PRPF8: variants seen among roughly 807,000 people sequenced by gnomAD.
PRPF8 encodes pre-mRNA processing factor 8.
Under a neutral mutation model 285.9 loss-of-function variants are expected in PRPF8, and 64 were observed. That is an observed-to-expected ratio of 0.22 (90% CI 0.18 to 0.28). PRPF8 has a LOEUF of 0.28. Ranked by LOEUF, PRPF8 falls within the 10% of genes least tolerant of loss-of-function variation. PRPF8 has a pLI of 1.00. For synonymous variants in PRPF8, 1,325 were observed against 1,118.2 expected (o/e 1.18, Z -3.69); for missense variants, 1,426 against 3,026.7 (o/e 0.47, Z 12.41).
Position 1,673,296 on chromosome 17 carries a change from G to A in PRPF8, c.3657+61C>T, listed in dbSNP as rs1204325614. 2.7e-5 allele frequency: 44 copies of A among 1,606,568 alleles called. No homozygotes were observed. The Admixed American group carries it at 4.5e-4, about 16-fold the overall frequency. ...AAGTCTTTCCACCCAACAAGACTCC[G>A]GTGACTGACCCAGGAAGTGCAGGCG... On this transcript the variant is annotated intron_variant, in intron 23 of 42. Transcript: ENST00000304992. This position sits in a 1 kb window ranked among gnomAD's most constrained non-coding sequence, Gnocchi z 5.5.
Position 1,651,810 on chromosome 17 carries a change from ACC to A in PRPF8, c.6370-24_6370-23del. 1 of 1,613,502 alleles carries A rather than the reference ACC, an allele frequency of 6.2e-7. No individual in the cohort carries two copies. Among genetic ancestry groups the A allele is most frequent in the South Asian group, 1.1e-5 (1 of 91,076 alleles). ...CAATCTGGAGACAAAGGGGTCAGGA[ACC>A]AAAACTCTTCTTAGTACCAGGTCAG... On this transcript the variant is annotated intron_variant, in intron 39 of 42. Transcript: ENST00000304992. This position sits in a 1 kb window ranked among gnomAD's most constrained non-coding sequence, Gnocchi z 5.1.
Position 1,661,040 on chromosome 17 carries a change from G to A in PRPF8, c.4461C>T (p.His1487=), listed in dbSNP as rs185616460. Residue 1487 remains histidine, a synonymous_variant, in exon 28 of 43, where the codon CAC becomes CAT. Transcript: ENST00000304992. This position sits in a 1 kb window ranked among gnomAD's most constrained non-coding sequence, Gnocchi z 7.3. ...ALGGVEGILE[H]TLFKGTYFPT... ...GGAAGTAAGTGCCCTTAAAGAGTGT[G>A]TGTTCCAGAATGCCTTCCACACCGC... is the stretch of plus-strand genomic sequence containing the variant. 33 of 1,614,186 alleles carry A rather than the reference G, an allele frequency of 2.0e-5. No individual in the cohort carries two copies. In the Admixed American group the frequency reaches 3.5e-4, roughly 17 times the overall value.
intron 24 of PRPF8, among the ~76,000 whole-genome samples, chr17:1,669,547 G>A (rs1452149445): frequency 6.6e-6 from 1 of 152,134 alleles, no homozygotes; most frequent in Non-Finnish European, 1.5e-5. Context: ...CTCTTCAACT[G>A]ACAAACAGAT....
chr17:1,676,254 G>A lies in PRPF8; in HGVS notation c.2505C>T (p.Asp835=). ...IPFPPLSYKH[D]TKLLILALER... Reference sequence around the variant, plus strand: ...CCAATGCCAAGATGAGCAACTTGGTGTCATGCTTATAGGAGAGTGGGGGGA... The same window carrying A: ...CCAATGCCAAGATGAGCAACTTGGTATCATGCTTATAGGAGAGTGGGGGGA... The change falls in exon 17 of 43, where the codon GAC becomes GAT. Residue 835 remains aspartate (D), a synonymous_variant. Coordinates refer to ENST00000304992, the MANE Select transcript of PRPF8 (RefSeq NM_006445.4). The surrounding 1 kb of genome is among the most constrained non-coding windows in gnomAD (Gnocchi z 6.3). The A allele has an allele frequency of 6.2e-7, 1 of 1,614,020 alleles. No homozygotes were observed. The highest frequency in any genetic ancestry group is 8.5e-7 in the Non-Finnish European group (1 of 1,180,032).
chr17:1,664,331 G>C (rs546843997), intron 24 of PRPF8, among the ~76,000 whole-genome samples: 1 of 152,242 alleles, frequency 6.6e-6, no homozygotes, highest in African/African-American at 2.4e-5. Flanking sequence ...ATACTCCTCA[G>C]TAATCGATAG....
Position 1,651,629 on chromosome 17 carries a change from C to A in PRPF8, c.6510+19G>T. 1 of 1,614,150 alleles carries A rather than the reference C, an allele frequency of 6.2e-7. No individual in the cohort carries two copies. Among genetic ancestry groups the A allele is most frequent in the Non-Finnish European group, 8.5e-7 (1 of 1,180,032 alleles). On this transcript the variant is annotated intron_variant, in intron 40 of 42. Transcript: ENST00000304992. This position sits in a 1 kb window ranked among gnomAD's most constrained non-coding sequence, Gnocchi z 5.1. ...GCACCAGCTTTTCCACACTCCCAGG[C>A]TCCATCACTCCCCATTACCTTGAGG...
chr17:1,670,545 G>A (rs1434739340), intron 24 of PRPF8, among the ~76,000 whole-genome samples: 1 of 152,166 alleles, frequency 6.6e-6, no homozygotes, highest in Non-Finnish European at 1.5e-5. Context: ...GGAGTGCACT[G>A]GTGGGATCTC....
Position 1,673,628 on chromosome 17 carries a change from A to G in PRPF8, c.3447-61T>C. 6.2e-7 allele frequency: 1 copy of G among 1,611,852 alleles called. No homozygotes were observed. Among genetic ancestry groups the G allele is most frequent in the Non-Finnish European group, 8.5e-7 (1 of 1,179,172 alleles). On this transcript the variant is annotated intron_variant, in intron 22 of 42. Transcript: ENST00000304992. This position sits in a 1 kb window ranked among gnomAD's most constrained non-coding sequence, Gnocchi z 5.5. ...TGGAAGGAACTTCCCTTCAAAGGCC[A>G]ACTGATGACATCCTGACACAGCCAC...
chr17:1,661,757 G>A lies in PRPF8; in HGVS notation c.4056C>T (p.His1352=), dbSNP rs1339362589. ...WSKQTDVGIT[H]FRSGMSHEED... ...CTTCATGGCTCATTCCTGAACGAAA[G>A]TGTGTGATACCTACATCTGTCTGTT... The change falls in exon 26 of 43, where the codon CAC becomes CAT. Residue 1352 remains histidine, a synonymous_variant. Transcript: ENST00000304992. The surrounding 1 kb of genome is among the most constrained non-coding windows in gnomAD (Gnocchi z 7.3). 6 of 1,614,118 alleles carry A rather than the reference G, an allele frequency of 3.7e-6. No homozygotes were observed. The highest frequency in any genetic ancestry group is 2.7e-5 in the African/African-American group (2 of 74,934).
In PRPF8 at chr17:1,655,427, A is replaced by G. The variant is rs1911314939; in HGVS notation, c.5910T>C (p.Thr1970=). 6.2e-7 allele frequency: 1 copy of G among 1,613,880 alleles called. No homozygotes were observed. Among genetic ancestry groups the G allele is most frequent in the Non-Finnish European group, 8.5e-7 (1 of 1,180,026 alleles). ...TITEPHHIWP[T]LTDEEWIKVE... is the part of the protein sequence containing the mutation. ...CCTTGATCCATTCTTCGTCAGTCAG[A>G]GTGGGCCAGATGTGGTGTGGTTCTG... is the stretch of plus-strand genomic sequence containing the variant. Residue 1970 remains threonine, a synonymous_variant, in exon 37 of 43, where the codon ACT becomes ACC. Coordinates refer to ENST00000304992, the MANE Select transcript of PRPF8 (RefSeq NM_006445.4).
intron 34 of PRPF8, 129 bp from the exon 35 acceptor site, chr17:1,656,890 T>C (rs1245323874): frequency 1.1e-5 from 10 of 885,556 alleles, no homozygotes; most frequent in Non-Finnish European, 1.6e-5. Context: ...TGTTAGGCAC[T>C]TAGAAGGTAC....
chr17:1,651,428 A>G lies in PRPF8; in HGVS notation c.6636T>C (p.Ile2212=). The change falls in exon 41 of 43, where the codon ATT becomes ATC. Residue 2212 remains isoleucine, a synonymous_variant. Coordinates refer to ENST00000304992, the MANE Select transcript of PRPF8 (RefSeq NM_006445.4). This position sits in a 1 kb window ranked among gnomAD's most constrained non-coding sequence, Gnocchi z 5.1. The stretch of plus-strand genomic sequence containing the variant: ...CCCAGGCCCACCTGCATGTGATGAT[A>G]ATGGTCTTCTCGCCATCCCAAGATG... ...DNPSWDGEKT[I]IITCSFTPGS... is the part of the protein sequence containing the mutation. 5 of 1,614,164 alleles carry G rather than the reference A, an allele frequency of 3.1e-6. No homozygotes were observed. Among genetic ancestry groups the G allele is most frequent in the Non-Finnish European group, 4.2e-6 (5 of 1,180,004 alleles).
Position 1,679,029 on chromosome 17 carries a change from C to T in PRPF8, c.1587G>A (p.Thr529=), listed in dbSNP as rs375769366. The change falls in exon 11 of 43, where the codon ACG becomes ACA. Residue 529 remains threonine (T), a synonymous_variant. Coordinates refer to ENST00000304992, the MANE Select transcript of PRPF8 (RefSeq NM_006445.4). The surrounding 1 kb of genome is among the most constrained non-coding windows in gnomAD (Gnocchi z 4.7). ...CCAATGCAGGCACCTTGGTGGTGAG[C>T]GTTTTCACAGGCTTGAGGTTGAAGT... is the stretch of plus-strand genomic sequence containing the variant. ...DYNFNLKPVK[T]LTTKERKKSR... 4.5e-5 allele frequency: 73 copies of T among 1,613,914 alleles called. No individual in the cohort carries two copies. Among genetic ancestry groups the T allele is most frequent in the Non-Finnish European group, 5.6e-5 (66 of 1,180,028 alleles).
chr17:1,660,717 G>A lies in PRPF8; in HGVS notation c.4619C>T (p.Pro1540Leu), dbSNP rs1362834307. The change falls in exon 29 of 43, where the codon CCG (proline) becomes CTG (leucine). Residue 1540 changes from proline (P) to leucine (L), a missense_variant. Pro to Leu is a moderately conservative substitution (Grantham distance 98, BLOSUM62 -3). Around this residue, in one of 34 missense-constraint regions of PRPF8, gnomAD observed 15 missense variants for 63.7 expected, o/e 0.24. Transcript: ENST00000304992. Reference protein sequence around the residue: ...PNRRFTLWWSPTINRANVYVG... With the variant: ...PNRRFTLWWSLTINRANVYVG... ...ACTCACATTGGCTCGATTAATGGTC[G>A]GGGACCACCAGAGGGTGAATCTACG... is the stretch of plus-strand genomic sequence containing the variant. 3.1e-6 allele frequency: 5 copies of A among 1,614,046 alleles called. No individual in the cohort carries two copies. Among genetic ancestry groups the A allele is most frequent in the African/African-American group, 1.3e-5 (1 of 75,028 alleles).
chr17:1,667,947 G>A (rs936735810), intron 24 of PRPF8, among the ~76,000 whole-genome samples: 1 of 152,134 alleles, frequency 6.6e-6, no homozygotes, highest in African/African-American at 2.4e-5. Flanking sequence ...AAAAGTGCTG[G>A]GATTGCAGGC....
In PRPF8 at chr17:1,679,725, T is replaced by A. The variant is rs887891741; in HGVS notation, c.1173A>T (p.Thr391=). The change falls in exon 9 of 43, where the codon ACA becomes ACT. Residue 391 remains threonine (T), a synonymous_variant. Coordinates refer to ENST00000304992, the MANE Select transcript of PRPF8 (RefSeq NM_006445.4). The surrounding 1 kb of genome is among the most constrained non-coding windows in gnomAD (Gnocchi z 4.7). ...PEFVEPFLKD[T]PLYTDNTANG... is the part of the protein sequence containing the mutation. ...TGGCTGTATTGTCTGTATAGAGGGG[T>A]GTGTCCTTCAGGAAGGGCTCCACAA... The A allele has an allele frequency of 6.2e-7, 1 of 1,613,900 alleles. No homozygotes were observed. Among genetic ancestry groups the A allele is most frequent in the Non-Finnish European group, 8.5e-7 (1 of 1,179,982 alleles).
intron 34 of PRPF8, among the ~76,000 whole-genome samples, chr17:1,657,709 T>C (rs1911465852): frequency 1.5e-5 from 2 of 134,948 alleles, no homozygotes; most frequent in Non-Finnish European, 3.0e-5. Context: ...ACACCTGTAA[T>C]CCGAGCACTT....
intron 24 of PRPF8, among the ~76,000 whole-genome samples, chr17:1,667,306 T>G (rs1246040020): frequency 7.9e-5 from 12 of 152,314 alleles, no homozygotes; most frequent in Non-Finnish European, 4.4e-5. Flanking sequence ...AACACAGTAT[T>G]TCTGTTGTAG....
At chr17:1,660,968 C>G in intron 28 of PRPF8, 25 bp downstream of exon 28, 1 of 1,613,190 alleles carries the variant, frequency 6.2e-7, no homozygotes, top group Non-Finnish European at 8.5e-7. Flanking sequence ...TGTGACAGGT[C>G]CCTCTAAGAG....
Sources: allele counts gnomAD v4.1 joint callset (sites outside exome capture counted in the v4.1 genomes callset), GRCh38; gene constraint gnomAD v4.1.1; regional missense constraint gnomAD v4.1.1; non-coding constraint Gnocchi (gnomAD v3.1); transcripts MANE v1.5; gene names NCBI Gene and HGNC (gene_info 2026-07-23, HGNC 2026-07-21).